The following GHR variants were observed in gnomAD, a reference collection of about 807,000 sequenced individuals.
The protein encoded by GHR is growth hormone receptor, also known as GH receptor.
GHR carries 35 observed loss-of-function variants against 67.1 expected under a neutral mutation model. That is an observed-to-expected ratio of 0.52 (90% CI 0.40 to 0.69). GHR has a LOEUF of 0.69. Ranked by LOEUF, GHR falls within the 30% of genes least tolerant of loss-of-function variation. GHR has a pLI of 0.00. For missense variants in GHR, 792 were observed against 764.6 expected (o/e 1.04, Z -0.42); for synonymous variants, 272 against 269.1 (o/e 1.01, Z -0.10).
chr5:42,559,096 A>G (rs1035004551), intron 1 of GHR, among the ~76,000 whole-genome samples: 4 of 152,246 alleles, frequency 2.6e-5, no homozygotes, highest in Non-Finnish European at 5.9e-5. Context: ...CCAATCTGTT[A>G]TAGACTTACA....
chr5:42,595,390 T>C (rs1340279678), intron 2 of GHR, among the ~76,000 whole-genome samples: 1 of 152,234 alleles, frequency 6.6e-6, no homozygotes, highest in Non-Finnish European at 1.5e-5. Flanking sequence ...TCAGTATAAA[T>C]CTTATAACTG....
intron 1 of GHR, among the ~76,000 whole-genome samples, chr5:42,432,972 A>G (rs1743159671): frequency 6.6e-6 from 1 of 152,200 alleles, no homozygotes; most frequent in Non-Finnish European, 1.5e-5. Flanking sequence ...ATTTGAGGGC[A>G]AAAGGATGTA....
chr5:42,478,548 C>T (rs1362253736), intron 1 of GHR, among the ~76,000 whole-genome samples: 4 of 152,126 alleles, frequency 2.6e-5, no homozygotes, highest in Admixed American at 1.3e-4. Context: ...TTTGTATCCT[C>T]TTTTATTTCC....
intron 1 of GHR, among the ~76,000 whole-genome samples, chr5:42,523,702 A>C (rs147476222): frequency 6.6e-6 from 1 of 152,156 alleles, no homozygotes; most frequent in African/African-American, 2.4e-5. Flanking sequence ...TGCTACAATG[A>C]CCTCTACGTG....
At chr5:42,707,654 A>G (rs1384665141) in intron 6 of GHR, among the ~76,000 whole-genome samples, 4 of 151,846 alleles carry the variant, frequency 2.6e-5, no homozygotes, top group Admixed American at 6.6e-5. Context: ...AGTTCTACTT[A>G]TAAAGATATT....
chr5:42,438,427 G>A (rs1743428086), intron 1 of GHR, among the ~76,000 whole-genome samples: 2 of 152,240 alleles, frequency 1.3e-5, no homozygotes, highest in Middle Eastern at 3.4e-3. Flanking sequence ...TTGAATGTGG[G>A]CCAAACTCAG....
intron 3 of GHR, chr5:42,646,352 A>G (rs953380556): frequency 2.4e-5 from 11 of 454,996 alleles, no homozygotes; most frequent in African/African-American, 1.8e-4. Context: ...ATGCTCACAT[A>G]TCAAGAAAAT....
chr5:42,563,612 G>A (rs1245365217), intron 1 of GHR, among the ~76,000 whole-genome samples: 3 of 120,816 alleles, frequency 2.5e-5, no homozygotes, highest in East Asian at 2.2e-4. Context: ...GCGACAGAGC[G>A]AGACTCCGTC....
At position 42,507,966 on chromosome 5, in the gene GHR, A is replaced by G. The variant is rs1461721874; in HGVS notation, c.-11-57898A>G. Among the ~76,000 whole-genome samples the G allele has an allele frequency of 6.6e-5, 10 of 152,326 alleles. No homozygotes were observed. In the East Asian group the frequency reaches 7.7e-4, roughly 12 times the overall value. Reference sequence around the variant, plus strand: ...AGTGCAGAGCAGAGGAAGACCTGGAATGGATATGCTATAGGAGGAGGGCCA... The same window carrying G: ...AGTGCAGAGCAGAGGAAGACCTGGAGTGGATATGCTATAGGAGGAGGGCCA... On this transcript the variant is annotated intron_variant, in intron 1 of 9. Transcript: ENST00000230882.
intron 1 of GHR, among the ~76,000 whole-genome samples, chr5:42,563,641 A>T (rs1342581952): frequency 6.6e-6 from 1 of 150,520 alleles, no homozygotes; most frequent in South Asian, 2.1e-4. Context: ...AAAAAAAAAA[A>T]AAAAAAAAAT....
intron 3 of GHR, among the ~76,000 whole-genome samples, chr5:42,635,061 G>A (rs1366500155): frequency 6.6e-6 from 1 of 151,630 alleles, no homozygotes; most frequent in African/African-American, 2.4e-5. Flanking sequence ...ATTTGATACT[G>A]GGTTCTGACA....
At chr5:42,680,873 G>A (rs1426483824) in intron 3 of GHR, among the ~76,000 whole-genome samples, 1 of 151,110 alleles carries the variant, frequency 6.6e-6, no homozygotes, top group African/African-American at 2.4e-5. Flanking sequence ...ATTATACTTT[G>A]TTCTGGCATG....
chr5:42,685,211 G>T (rs1757080369), intron 3 of GHR, among the ~76,000 whole-genome samples: 1 of 152,070 alleles, frequency 6.6e-6, no homozygotes, highest in South Asian at 2.1e-4. Context: ...TTCTGTTCTT[G>T]TGTTAGTTTG....
intron 1 of GHR, among the ~76,000 whole-genome samples, chr5:42,525,630 C>G (rs1320841556): frequency 6.6e-6 from 1 of 152,058 alleles, no homozygotes; most frequent in Non-Finnish European, 1.5e-5. Flanking sequence ...TTGGAGGGGC[C>G]AGGGCCAGAA....
chr5:42,484,231 G>A (rs569487287), intron 1 of GHR, among the ~76,000 whole-genome samples: 1 of 152,310 alleles, frequency 6.6e-6, no homozygotes, highest in African/African-American at 2.4e-5. Flanking sequence ...GAAGTTAGAA[G>A]CCAATGAAAT....
chr5:42,524,274 C>G (rs1183459324), intron 1 of GHR, among the ~76,000 whole-genome samples: 4 of 152,090 alleles, frequency 2.6e-5, no homozygotes, highest in Non-Finnish European at 4.4e-5. Flanking sequence ...ACAATAAAGT[C>G]CAGGCTGAGG....
chr5:42,600,646 A>C (rs1401162429), intron 2 of GHR, among the ~76,000 whole-genome samples: 1 of 152,216 alleles, frequency 6.6e-6, no homozygotes, highest in Non-Finnish European at 1.5e-5. Flanking sequence ...GTCAGCAGCT[A>C]TACCAGTGAC....
intron 1 of GHR, among the ~76,000 whole-genome samples, chr5:42,556,047 A>G (rs1284835798): frequency 6.6e-6 from 1 of 152,094 alleles, no homozygotes; most frequent in African/African-American, 2.4e-5. Context: ...CTGGGAGATC[A>G]CATTGCCTCA....
intron 8 of GHR, 98 bp downstream of exon 8, chr5:42,713,617 G>A (rs957275947): frequency 2.7e-6 from 2 of 743,230 alleles, no homozygotes; most frequent in East Asian, 2.5e-5. Flanking sequence ...GTCAAATTAT[G>A]AGTGGAAATT....
Sources: allele counts gnomAD v4.1 joint callset (sites outside exome capture counted in the v4.1 genomes callset), GRCh38; gene constraint gnomAD v4.1.1; transcripts MANE v1.5; gene names NCBI Gene and HGNC (gene_info 2026-07-23, HGNC 2026-07-21).